Variants in NELL2 observed in about 807,000 individuals in gnomAD.
NELL2 encodes neural EGFL like 2.
Under a neutral mutation model 109.6 loss-of-function variants are expected in NELL2, and 41 were observed. That is an observed-to-expected ratio of 0.37 (90% CI 0.29 to 0.49). The LOEUF is 0.49. Ranked by LOEUF, NELL2 falls within the 20% of genes least tolerant of loss-of-function variation. The pLI, the probability that NELL2 is intolerant of heterozygous loss-of-function variation, is 0.98. For synonymous variants in NELL2, 355 were observed against 344.7 expected (o/e 1.03, Z -0.33); for missense variants, 900 against 1,008.3 (o/e 0.89, Z 1.45).
At chr12:44,721,536 C>T (rs1214211989) in intron 9 of NELL2, among the ~76,000 whole-genome samples, 1 of 152,058 alleles carries the variant, frequency 6.6e-6, no homozygotes, top group Non-Finnish European at 1.5e-5. Context: ...TATGACAGTC[C>T]TTATGTGCAT....
intron 16 of NELL2, among the ~76,000 whole-genome samples, chr12:44,532,300 T>A (rs1036079836): frequency 2.0e-5 from 3 of 152,148 alleles, no homozygotes; most frequent in Non-Finnish European, 4.4e-5. Context: ...TTTAAAAAAT[T>A]TATGTGATAC....
intron 15 of NELL2, among the ~76,000 whole-genome samples, chr12:44,587,284 A>AAAAAAAAAAAATATATATATATATATAT: frequency 5.5e-5 from 4 of 72,204 alleles, no homozygotes; most frequent in Non-Finnish European, 8.1e-5. Context: ...AAAAAAAAAA[A>AAAAAAAAAAAATATATATATATATATAT]ATATATATAT....
rs754740787 is a variant in NELL2, at chr12:44,772,887, A to G, written c.994+1860T>C. ...CAGTTGGTTTTCAATCATTAACACC[A>G]AAGACTGCCTGAAACACTCTTCATT... On this transcript the variant is annotated intron_variant, in intron 9 of 19. Coordinates refer to ENST00000429094, the MANE Select transcript of NELL2 (RefSeq NM_001145108.2). Among the ~76,000 whole-genome samples the G allele has an allele frequency of 1.1e-4, 16 of 152,138 alleles. 1 individual carries two copies. The highest frequency in any genetic ancestry group is 2.2e-4 in the Non-Finnish European group (15 of 68,034).
intron 13 of NELL2, among the ~76,000 whole-genome samples, chr12:44,616,272 T>C (rs756539893): frequency 1.8e-4 from 27 of 152,196 alleles, no homozygotes; most frequent in Admixed American, 4.6e-4. Context: ...ATATTGCCTA[T>C]CTTGCATCTT....
chr12:44,636,355 T>C (rs1241835503), intron 13 of NELL2, among the ~76,000 whole-genome samples: 1 of 152,222 alleles, frequency 6.6e-6, no homozygotes, highest in Non-Finnish European at 1.5e-5. Flanking sequence ...CATCCTTGTC[T>C]TGTACCAGTT....
At position 44,508,334 on chromosome 12, in the gene NELL2, C is replaced by G. The variant is rs563089230; in HGVS notation, c.*600G>C. ...TGCACAAGAACGAGCTTATACTGAACAAATTCAACCAAATAATATTAAGTG... is the reference window on the plus strand; with the variant it reads ...TGCACAAGAACGAGCTTATACTGAAGAAATTCAACCAAATAATATTAAGTG... On this transcript the variant is annotated 3_prime_UTR_variant, in exon 20 of 20. Transcript: ENST00000429094. The G allele has an allele frequency of 1.3e-5, 2 of 152,640 alleles. No individual in the cohort carries two copies. The highest frequency in any genetic ancestry group is 4.1e-4 in the South Asian group (2 of 4,822). The allele number at this position is 152,640 out of a possible 1,614,324, so 9.5% of individuals were successfully genotyped here.
chr12:44,674,826 C>G (rs765110943), intron 12 of NELL2, among the ~76,000 whole-genome samples: 3 of 151,912 alleles, frequency 2.0e-5, no homozygotes, highest in Non-Finnish European at 4.4e-5. Flanking sequence ...AGTAATCTAC[C>G]CAGTCCAAAT....
chr12:44,655,197 C>T (rs536826585), intron 13 of NELL2, among the ~76,000 whole-genome samples: 9 of 152,234 alleles, frequency 5.9e-5, no homozygotes, highest in Middle Eastern at 3.4e-3. Flanking sequence ...GCTAATGAGG[C>T]GGCTCCCACC....
chr12:44,683,634 T>G (rs902145411), intron 12 of NELL2, among the ~76,000 whole-genome samples: 1 of 152,208 alleles, frequency 6.6e-6, no homozygotes, highest in African/African-American at 2.4e-5. Flanking sequence ...CATGAAGGGT[T>G]GCTGAATTTT....
chr12:44,756,931 T>G (rs1389234811), intron 9 of NELL2, among the ~76,000 whole-genome samples: 1 of 152,184 alleles, frequency 6.6e-6, no homozygotes, highest in South Asian at 2.1e-4. Flanking sequence ...GCTCAGACCT[T>G]TCTTCTAAAC....
chr12:44,545,742 CAG>C (rs1942768654), intron 15 of NELL2, among the ~76,000 whole-genome samples: 1 of 152,000 alleles, frequency 6.6e-6, no homozygotes, highest in Non-Finnish European at 1.5e-5. Context: ...ACTTCAAAAG[CAG>C]AGTTTTAAAA....
intron 1 of NELL2, among the ~76,000 whole-genome samples, chr12:44,900,532 A>G (rs1157909690): frequency 6.6e-6 from 1 of 152,174 alleles, no homozygotes; most frequent in Non-Finnish European, 1.5e-5. Context: ...TAACAAAATT[A>G]AGGCAGAAAT....
intron 12 of NELL2, among the ~76,000 whole-genome samples, chr12:44,673,215 G>T (rs1948202167): frequency 6.6e-6 from 1 of 152,182 alleles, no homozygotes; most frequent in African/African-American, 2.4e-5. Flanking sequence ...TTACATAAAA[G>T]TCATTTCCAT....
intron 15 of NELL2, among the ~76,000 whole-genome samples, chr12:44,605,833 C>T (rs1428726943): frequency 2.0e-5 from 3 of 152,056 alleles, no homozygotes; most frequent in Non-Finnish European, 4.4e-5. Flanking sequence ...TGCAGGAGGT[C>T]CACAGTGCAC....
At chr12:44,551,129 A>C (rs1022736345) in intron 15 of NELL2, among the ~76,000 whole-genome samples, 3 of 152,178 alleles carry the variant, frequency 2.0e-5, no homozygotes, top group Non-Finnish European at 4.4e-5. Context: ...TGTATCCCTA[A>C]ACTCATCAAG....
chr12:44,682,704 G>A (rs552057276), intron 12 of NELL2, among the ~76,000 whole-genome samples: 2 of 152,134 alleles, frequency 1.3e-5, no homozygotes, highest in Non-Finnish European at 2.9e-5. Context: ...GTTTTTGTCA[G>A]GTTTGTCAAA....
chr12:44,740,053 G>T (rs552705429), intron 9 of NELL2, among the ~76,000 whole-genome samples: 1 of 151,950 alleles, frequency 6.6e-6, no homozygotes, highest in Non-Finnish European at 1.5e-5. Context: ...TTATTGTCTC[G>T]CCCTTTACAG....
chr12:44,847,767 T>C (rs561910299), intron 2 of NELL2, among the ~76,000 whole-genome samples: 1 of 151,858 alleles, frequency 6.6e-6, no homozygotes, highest in East Asian at 1.9e-4. Flanking sequence ...ATTAAATAAG[T>C]ATCAAAGAGA....
chr12:44,760,993 C>T (rs575101901), intron 9 of NELL2, among the ~76,000 whole-genome samples: 68 of 152,198 alleles, frequency 4.5e-4, no homozygotes, highest in African/African-American at 1.5e-3. Context: ...ATAAAAAGAC[C>T]TCTTACAAAT....
Sources: allele counts gnomAD v4.1 joint callset (sites outside exome capture counted in the v4.1 genomes callset), GRCh38; gene constraint gnomAD v4.1.1; transcripts MANE v1.5; gene names NCBI Gene and HGNC (gene_info 2026-07-23, HGNC 2026-07-21).